Variants in PGBD5 observed in about 807,000 individuals in gnomAD.
The protein encoded by PGBD5 is piggyBac transposable element derived 5.
Under a neutral mutation model 47.9 loss-of-function variants are expected in PGBD5, and 14 were observed. That is an observed-to-expected ratio of 0.29 (90% CI 0.19 to 0.46). The LOEUF (loss-of-function observed/expected upper bound fraction) is 0.46. Ranked by LOEUF, PGBD5 falls within the 20% of genes least tolerant of loss-of-function variation. The probability of loss-of-function intolerance (pLI) is 1.00; values close to 1 mark genes in which losing one functional copy is unlikely to be tolerated. For synonymous variants in PGBD5, 316 were observed against 306.3 expected, an observed-to-expected ratio of 1.03 and a Z score of -0.33; for missense variants, 635 against 716.0, an observed-to-expected ratio of 0.89 and a Z score of 1.29.
intron 1 of PGBD5, among the ~76,000 whole-genome samples, chr1:230,363,798 G>A (rs1381399638): frequency 6.6e-6 from 1 of 152,112 alleles, no homozygotes; most frequent in Non-Finnish European, 1.5e-5. Flanking sequence ...AAATCAAACA[G>A]GTACAAAAAT....
At position 230,315,147 on chromosome 1, in the gene PGBD5, G is replaced by C. The variant is rs1666916124; in HGVS notation, c.*8278C>G. 1 of 152,144 alleles carries C rather than the reference G, an allele frequency of 6.6e-6. No individual in the cohort carries two copies. The highest frequency in any genetic ancestry group is 6.5e-5 in the Admixed American group (1 of 15,278). 9.4% of individuals were successfully genotyped at this position (152,144 alleles called of 1,614,324 possible). Reference sequence around the variant, plus strand: ...TTCTTAGTGAAGACCAGCATTGCCAGCCCACTGACCCCAGTAGGGTCACCC... The same window carrying C: ...TTCTTAGTGAAGACCAGCATTGCCACCCCACTGACCCCAGTAGGGTCACCC... On this transcript the variant is annotated 3_prime_UTR_variant, in exon 7 of 7. Transcript: ENST00000391860.
intron 3 of PGBD5, among the ~76,000 whole-genome samples, chr1:230,349,331 C>A (rs765797984): frequency 3.3e-5 from 5 of 152,052 alleles, no homozygotes; most frequent in African/African-American, 4.8e-5. Flanking sequence ...AGTTCAAGAT[C>A]AGCCTGGGCA....
intron 4 of PGBD5, among the ~76,000 whole-genome samples, chr1:230,335,752 C>CACAAACAT (rs1404443516): frequency 0.015 from 2 of 136 alleles, no homozygotes; most frequent in African/African-American, 0.031. Context: ...CAAAGACACA[C>CACAAACAT]ACAGATACAC....
At chr1:230,404,788 C>T (rs895259901) in intron 1 of PGBD5, among the ~76,000 whole-genome samples, 1 of 151,244 alleles carries the variant, frequency 6.6e-6, no homozygotes, top group African/African-American at 2.4e-5. Flanking sequence ...ACAAAATTAG[C>T]TGGGCGTGGT....
intron 1 of PGBD5, chr1:230,377,442 A>C: frequency 6.4e-7 from 1 of 1,568,104 alleles, no homozygotes; most frequent in South Asian, 1.1e-5. Flanking sequence ...CCAATAACAC[A>C]TGGATGAAAA....
chr1:230,328,206 T>C (rs1437920088), intron 5 of PGBD5, among the ~76,000 whole-genome samples: 1 of 152,216 alleles, frequency 6.6e-6, no homozygotes, highest in African/African-American at 2.4e-5. Context: ...TCCTGGACTG[T>C]CACTGTCCCA....
At chr1:230,424,723 G>A (rs1443002522) in intron 1 of PGBD5, among the ~76,000 whole-genome samples, 1 of 152,256 alleles carries the variant, frequency 6.6e-6, no homozygotes, top group East Asian at 1.9e-4. Flanking sequence ...TGCTACAGAA[G>A]GCCGTGGAAC....
chr1:230,366,793 C>T (rs1340218441), intron 1 of PGBD5, among the ~76,000 whole-genome samples: 1 of 152,196 alleles, frequency 6.6e-6, no homozygotes, highest in Admixed American at 6.5e-5. Flanking sequence ...ACACCCACGA[C>T]AGCATTGCTA....
intron 3 of PGBD5, 128 bp downstream of exon 3, chr1:230,350,830 G>T: frequency 7.4e-7 from 1 of 1,344,758 alleles, no homozygotes; most frequent in Non-Finnish European, 1.0e-6. Flanking sequence ...GGAGCATCTG[G>T]GTGGACTTGG....
intron 5 of PGBD5, among the ~76,000 whole-genome samples, chr1:230,328,162 C>T (rs920119054): frequency 6.6e-6 from 1 of 152,234 alleles, no homozygotes; most frequent in Admixed American, 6.5e-5. Flanking sequence ...TGCAGCTTTT[C>T]ACCTCCTGAT....
intron 1 of PGBD5, among the ~76,000 whole-genome samples, chr1:230,358,172 C>G: frequency 6.6e-6 from 1 of 152,140 alleles, no homozygotes; most frequent in Non-Finnish European, 1.5e-5. Context: ...CGCCATCACA[C>G]AGGGCTCCTC....
Position 230,425,536 on chromosome 1 carries a change from A to C in PGBD5, c.331+62T>G, listed in dbSNP as rs966176287. On this transcript the variant is annotated intron_variant, in intron 1 of 6. Coordinates refer to ENST00000391860, the MANE Select transcript of PGBD5 (RefSeq NM_001258311.2). This position sits in a 1 kb window ranked among gnomAD's most constrained non-coding sequence, Gnocchi z 4.7. ...TCTGGACTCGCCCGCCCCAGCACCC[A>C]CGCCTCCCCCGCGCCCGGTTCCAGC... The C allele has an allele frequency of 6.1e-6, 7 of 1,152,280 alleles. No individual in the cohort carries two copies. The highest frequency in any genetic ancestry group is 4.4e-5 in the Admixed American group (1 of 22,610). The allele number at this position is 1,152,280 out of a possible 1,614,324, so 71.4% of individuals were successfully genotyped here. A position where few individuals can be genotyped will look rare whatever the true frequency, so the allele number is the denominator to read the frequency against.
At chr1:230,383,950 CG>C (rs1171458273) in intron 1 of PGBD5, among the ~76,000 whole-genome samples, 1 of 152,154 alleles carries the variant, frequency 6.6e-6, no homozygotes, top group Non-Finnish European at 1.5e-5. Context: ...AGATCAGGCT[CG>C]GTCCTCCCCT....
Position 230,315,007 on chromosome 1 carries a change from G to C in PGBD5, c.*8418C>G, listed in dbSNP as rs1001053989. On this transcript the variant is annotated 3_prime_UTR_variant, in exon 7 of 7. Transcript: ENST00000391860. ...GGGAAGAAGAGCTTGGAGGGTGACA[G>C]CCTCCCCCTGAGAGAGCCAGTTGTG... The C allele has an allele frequency of 1.3e-5, 2 of 152,296 alleles. No homozygotes were observed. The highest frequency in any genetic ancestry group is 4.8e-5 in the African/African-American group (2 of 41,566). The allele number at this position is 152,296 out of a possible 1,614,324, so 9.4% of individuals were successfully genotyped here.
chr1:230,419,241 A>T lies in PGBD5; in HGVS notation c.331+6357T>A, dbSNP rs969787571. On this transcript the variant is annotated intron_variant, in intron 1 of 6. Transcript: ENST00000391860. ...ACCACGCAGTTATAAAAAAGAAGGA[A>T]ATCACGTCCTCTGCAGTGACATGGA... Among the ~76,000 whole-genome samples, 7 of 114,624 alleles carry T rather than the reference A, an allele frequency of 6.1e-5. No individual in the cohort carries two copies. In the South Asian group the frequency reaches 1.7e-3, roughly 27 times the overall value. 75.2% of individuals were successfully genotyped at this position (114,624 alleles called of 152,430 possible).
intron 5 of PGBD5, among the ~76,000 whole-genome samples, chr1:230,327,028 G>C (rs890473467): frequency 6.6e-6 from 1 of 152,138 alleles, no homozygotes. Context: ...CCAAGCCACT[G>C]CTGGTCATTC....
At chr1:230,382,664 G>A (rs1656533128) in intron 1 of PGBD5, among the ~76,000 whole-genome samples, 1 of 152,202 alleles carries the variant, frequency 6.6e-6, no homozygotes, top group Non-Finnish European at 1.5e-5. Flanking sequence ...GAGGAGGTGA[G>A]TCTGTTATGA....
At chr1:230,388,319 G>A (rs745593421) in intron 1 of PGBD5, among the ~76,000 whole-genome samples, 6 of 152,146 alleles carry the variant, frequency 3.9e-5, no homozygotes, top group Non-Finnish European at 7.3e-5. Flanking sequence ...CAGCGATGGG[G>A]TTGAGTGAGA....
intron 1 of PGBD5, among the ~76,000 whole-genome samples, chr1:230,403,529 A>T (rs1657195998): frequency 6.6e-6 from 1 of 152,182 alleles, no homozygotes; most frequent in Admixed American, 6.5e-5. Flanking sequence ...CAGGATGAGG[A>T]TCTTAGAGCC....
Sources: gnomAD v4.1 joint callset for allele counts (sites outside exome capture counted in the v4.1 genomes callset) on GRCh38, gnomAD v4.1.1 for gene constraint, Gnocchi (gnomAD v3.1) non-coding constraint, MANE v1.5 for transcripts, NCBI Gene and HGNC (gene_info 2026-07-23, HGNC 2026-07-21) for gene names.